Variants in KLF1 observed in about 807,000 individuals in gnomAD.
KLF1 encodes Krueppel-like factor 1.
Under a neutral mutation model 28.0 loss-of-function variants are expected in KLF1, and 29 were observed. The ratio of observed to expected loss-of-function variants is 1.04; its 90% CI spans 0.77 to 1.41. The LOEUF is 1.41. Among genes scored for constraint, KLF1 ranks in the 40% most tolerant of loss-of-function variants. KLF1 has a pLI of 0.00. For missense variants in KLF1, 508 were observed against 515.1 expected, an observed-to-expected ratio of 0.99 and a Z score of 0.13; for synonymous variants, 262 against 242.6, an observed-to-expected ratio of 1.08 and a Z score of -0.74.
chr19:12,884,750 C>T lies in KLF1; in HGVS notation c.*135G>A, dbSNP rs1970416001. ...TGATATTTGGGTGGATCTTTGGGAA[C>T]GCGAGTCCAGGAGAGGGTCCATTCG... On this transcript the variant is annotated 3_prime_UTR_variant, in exon 3 of 3. Coordinates refer to ENST00000264834, the MANE Select transcript of KLF1 (RefSeq NM_006563.5). 3 of 926,012 alleles carry T rather than the reference C, an allele frequency of 3.2e-6. No individual in the cohort carries two copies. The highest frequency in any genetic ancestry group is 1.4e-5 in the South Asian group (1 of 70,876). The allele number at this position is 926,012 out of a possible 1,614,324, so 57.4% of individuals were successfully genotyped here. A position where few individuals can be genotyped will look rare whatever the true frequency, so the allele number is the denominator to read the frequency against.
chr19:12,885,507 G>A lies in KLF1; in HGVS notation c.723C>T (p.Pro241=). ...CCCCGAGTCCAGTGCCCACCGTCCC[G>A]GGTCCCAAACAACTCAGGAAGGAGG... ...TSPSFLSCLG[P]GTVGTGLGGT... The change falls in exon 2 of 3, where the codon CCC becomes CCT. Residue 241 remains proline, a synonymous_variant. Transcript: ENST00000264834. This position sits in a 1 kb window ranked among gnomAD's most constrained non-coding sequence, Gnocchi z 5.6. The A allele has an allele frequency of 6.3e-7, 1 of 1,595,834 alleles. No homozygotes were observed. The highest frequency in any genetic ancestry group is 8.5e-7 in the Non-Finnish European group (1 of 1,172,050).
At position 12,885,437 on chromosome 19, in the gene KLF1, T is replaced by G. The variant is rs903589995; in HGVS notation, c.793A>C (p.Lys265Gln). Residue 265 changes from lysine (K) to glutamine (Q), a missense_variant, in exon 2 of 3, where the codon AAG becomes CAG. Coordinates refer to ENST00000264834, the MANE Select transcript of KLF1 (RefSeq NM_006563.5). This position sits in a 1 kb window ranked among gnomAD's most constrained non-coding sequence, Gnocchi z 5.6. Reference protein sequence around the residue: ...PGVIAETAPSKRGRRSWARKR... With the variant: ...PGVIAETAPSQRGRRSWARKR... ...CGCGCCCACGAACGTCGGCCTCGCTTGGATGGCGCGGTCTCGGCTATCACA... is the reference window on the plus strand; with the variant it reads ...CGCGCCCACGAACGTCGGCCTCGCTGGGATGGCGCGGTCTCGGCTATCACA... 2.5e-6 allele frequency: 4 copies of G among 1,605,620 alleles called. No individual in the cohort carries two copies. In the South Asian group the frequency reaches 3.3e-5, roughly 13 times the overall value.
Position 12,885,239 on chromosome 19 carries a change from G to C in KLF1, c.913+78C>G, listed in dbSNP as rs2145927165. 7.1e-7 allele frequency: 1 copy of C among 1,412,468 alleles called. No individual in the cohort carries two copies. Among genetic ancestry groups the C allele is most frequent in the South Asian group, 1.3e-5 (1 of 79,690 alleles). 87.5% of individuals were successfully genotyped at this position (1,412,468 alleles called of 1,614,324 possible). ...CAGAGGCCAGCCAAGTCCAAGTCCC[G>C]CCCTCTGCAACCCTTCTTCCCCTGT... On this transcript the variant is annotated intron_variant, in intron 2 of 2. Transcript: ENST00000264834. The surrounding 1 kb of genome is among the most constrained non-coding windows in gnomAD (Gnocchi z 5.6).
chr19:12,886,687 C>A (rs1261274211), intron 1 of KLF1, among the ~76,000 whole-genome samples: 1 of 149,802 alleles, frequency 6.7e-6, no homozygotes, highest in Non-Finnish European at 1.5e-5. Flanking sequence ...CTCACTGTAT[C>A]CTTAATCTCC....
In KLF1 at chr19:12,885,256, T is replaced by G; in HGVS notation, c.913+61A>C. 1 of 1,460,040 alleles carries G rather than the reference T, an allele frequency of 6.8e-7. No homozygotes were observed. Among genetic ancestry groups the G allele is most frequent in the Non-Finnish European group, 9.3e-7 (1 of 1,071,318 alleles). The allele number at this position is 1,460,040 out of a possible 1,614,324, so 90.4% of individuals were successfully genotyped here. On this transcript the variant is annotated intron_variant, in intron 2 of 2. Transcript: ENST00000264834. The surrounding 1 kb of genome is among the most constrained non-coding windows in gnomAD (Gnocchi z 5.6). ...CAAGTCCCGCCCTCTGCAACCCTTC[T>G]TCCCCTGTAACTACAGCGGGCGCCG...
chr19:12,885,962 C>T lies in KLF1; in HGVS notation c.268G>A (p.Ala90Thr), dbSNP rs766074660. ...GGCGCCAGAGCGCAGGTCTGGGGCG[C>T]GCCACCGGGCTCCGGGCCCGAGAAG... ...TNFSGPEPGG[A>T]PQTCALAPSE... Residue 90 changes from alanine (A) to threonine (T), a missense_variant, in exon 2 of 3, where the codon GCG becomes ACG. By Grantham distance (58) the Ala-to-Thr change is moderately conservative. Coordinates refer to ENST00000264834, the MANE Select transcript of KLF1 (RefSeq NM_006563.5). This position sits in a 1 kb window ranked among gnomAD's most constrained non-coding sequence, Gnocchi z 5.6. 4 of 1,576,138 alleles carry T rather than the reference C, an allele frequency of 2.5e-6. No homozygotes were observed. Among genetic ancestry groups the T allele is most frequent in the Non-Finnish European group, 3.4e-6 (4 of 1,161,518 alleles).
chr19:12,886,043 C>A lies in KLF1; in HGVS notation c.187G>T (p.Glu63Ter). 6.2e-7 allele frequency: 1 copy of A among 1,610,194 alleles called. No individual in the cohort carries two copies. Among genetic ancestry groups the A allele is most frequent in the Admixed American group, 1.7e-5 (1 of 59,750 alleles). The part of the protein sequence containing the change: ...VKSEDQPGEE[E>*]DDERGADATW... The stretch of plus-strand genomic sequence containing the variant: ...GCGTCCGCGCCCCTCTCATCGTCCT[C>A]TTCCTCCCCGGGCTGGTCCTCAGAC... The change falls in exon 2 of 3, where the codon GAG becomes TAG. Residue 63 changes from glutamate (E) to a stop codon, truncating the protein, a stop_gained. Coordinates refer to ENST00000264834, the MANE Select transcript of KLF1 (RefSeq NM_006563.5). LOFTEE classifies it high-confidence loss of function.
In KLF1 at chr19:12,884,736, T is replaced by G; in HGVS notation, c.*149A>C. The G allele has an allele frequency of 1.2e-6, 1 of 831,288 alleles. No homozygotes were observed. The highest frequency in any genetic ancestry group is 1.9e-6 in the Non-Finnish European group (1 of 514,912). The allele number at this position is 831,288 out of a possible 1,614,324, so 51.5% of individuals were successfully genotyped here. Reference sequence around the variant, plus strand: ...TATGGGTCCGTGTTTGATATTTGGGTGGATCTTTGGGAACGCGAGTCCAGG... The same window carrying G: ...TATGGGTCCGTGTTTGATATTTGGGGGGATCTTTGGGAACGCGAGTCCAGG... On this transcript the variant is annotated 3_prime_UTR_variant, in exon 3 of 3. Coordinates refer to ENST00000264834, the MANE Select transcript of KLF1 (RefSeq NM_006563.5).
Position 12,885,020 on chromosome 19 carries a change from C to G in KLF1, c.954G>C (p.Trp318Cys), listed in dbSNP as rs769526751. 5.0e-6 allele frequency: 8 copies of G among 1,609,054 alleles called. No homozygotes were observed. In the South Asian group the frequency reaches 7.7e-5, roughly 15 times the overall value. The change falls in exon 3 of 3, where the codon TGG (tryptophan) becomes TGC (cysteine). Residue 318 changes from tryptophan (W) to cysteine (C), a missense_variant. Transcript: ENST00000264834. The surrounding 1 kb of genome is among the most constrained non-coding windows in gnomAD (Gnocchi z 5.6). ...PYACTWEGCG[W>C]RFARSDELTR... is the part of the protein sequence containing the mutation. ...TCAGCTCGTCCGAGCGCGCGAATCT[C>G]CAGCCGCAGCCTTCCCACGTGCAGG...
chr19:12,884,574 T>C lies in KLF1; in HGVS notation c.*311A>G, dbSNP rs767532783. The C allele has an allele frequency of 9.0e-5, 39 of 435,394 alleles. No homozygotes were observed. The highest frequency in any genetic ancestry group is 1.6e-4 in the Non-Finnish European group (37 of 234,720). 27.0% of individuals were successfully genotyped at this position (435,394 alleles called of 1,614,324 possible). A position where few individuals can be genotyped will look rare whatever the true frequency, so the allele number is the denominator to read the frequency against. ...CTGCTGTCCAGGGCCATCTGGGAGCTGGTCTGAGTGTCCACTGAGTCCGTT... is the reference window on the plus strand; with the variant it reads ...CTGCTGTCCAGGGCCATCTGGGAGCCGGTCTGAGTGTCCACTGAGTCCGTT... On this transcript the variant is annotated 3_prime_UTR_variant, in exon 3 of 3. Transcript: ENST00000264834.
Position 12,885,336 on chromosome 19 carries a change from C to A in KLF1, c.894G>T (p.Ala298=), listed in dbSNP as rs377567042. ...KSYTKSSHLK[A]HLRTHTGEKP... is the part of the protein sequence containing the mutation. ...CCTCACCTGTGTGCGTGCGCAGATGCGCCTTCAGGTGGGAGCTCTTGGTGT... is the reference window on the plus strand; with the variant it reads ...CCTCACCTGTGTGCGTGCGCAGATGAGCCTTCAGGTGGGAGCTCTTGGTGT... Residue 298 remains alanine (A), a synonymous_variant, in exon 2 of 3, where the codon GCG becomes GCT. Coordinates refer to ENST00000264834, the MANE Select transcript of KLF1 (RefSeq NM_006563.5). The surrounding 1 kb of genome is among the most constrained non-coding windows in gnomAD (Gnocchi z 5.6). The A allele has an allele frequency of 9.1e-5, 145 of 1,594,568 alleles. 1 individual carries two copies. In the African/African-American group the frequency reaches 1.6e-3, roughly 17 times the overall value.
Position 12,885,736 on chromosome 19 carries a change from G to A in KLF1, c.494C>T (p.Ala165Val), listed in dbSNP as rs1412964285. The change falls in exon 2 of 3, where the codon GCG becomes GTG. Residue 165 changes from alanine (A) to valine (V), a missense_variant. Coordinates refer to ENST00000264834, the MANE Select transcript of KLF1 (RefSeq NM_006563.5). This position sits in a 1 kb window ranked among gnomAD's most constrained non-coding sequence, Gnocchi z 5.6. ...PAPAPEPKAL[A>V]LQPVYPGPGA... ...GGGCCCCGGGTACACCGGTTGCAGC[G>A]CCAGCGCCTTGGGCTCGGGGGCCGG... 2.7e-6 allele frequency: 4 copies of A among 1,508,154 alleles called. No homozygotes were observed. Among genetic ancestry groups the A allele is most frequent in the South Asian group, 1.3e-5 (1 of 78,914 alleles). The allele number at this position is 1,508,154 out of a possible 1,614,324, so 93.4% of individuals were successfully genotyped here. A position where few individuals can be genotyped will look rare whatever the true frequency, so the allele number is the denominator to read the frequency against.
In KLF1 at chr19:12,884,917, G is replaced by A. The variant is rs1328031641; in HGVS notation, c.1057C>T (p.His353Tyr). The A allele has an allele frequency of 2.5e-6, 4 of 1,613,826 alleles. No individual in the cohort carries two copies. The highest frequency in any genetic ancestry group is 3.4e-6 in the Non-Finnish European group (4 of 1,180,032). Residue 353 changes from histidine to tyrosine, a missense_variant, in exon 3 of 3, where the codon CAC becomes TAC. Transcript: ENST00000264834. ...TGGCGCTTCATGTGCAAGGCCAGGTGGTCAGAGCGCGAAAAAGCACGTGGG... is the reference window on the plus strand; with the variant it reads ...TGGCGCTTCATGTGCAAGGCCAGGTAGTCAGAGCGCGAAAAAGCACGTGGG... ...LCPRAFSRSDHLALHMKRHL is the reference protein window; with the variant it reads ...LCPRAFSRSDYLALHMKRHL
chr19:12,885,724 A>T lies in KLF1; in HGVS notation c.506T>A (p.Val169Glu). The change falls in exon 2 of 3, where the codon GTG (valine) becomes GAG (glutamate). Residue 169 changes from valine (V) to glutamate (E), a missense_variant. Transcript: ENST00000264834. The surrounding 1 kb of genome is among the most constrained non-coding windows in gnomAD (Gnocchi z 5.6). ...GGAGCCGGCGCCGGGCCCCGGGTACACCGGTTGCAGCGCCAGCGCCTTGGG... is the reference window on the plus strand; with the variant it reads ...GGAGCCGGCGCCGGGCCCCGGGTACTCCGGTTGCAGCGCCAGCGCCTTGGG... The part of the protein sequence containing the change: ...PEPKALALQP[V>E]YPGPGAGSSG... The T allele has an allele frequency of 6.6e-7, 1 of 1,514,418 alleles. No homozygotes were observed. The allele number at this position is 1,514,418 out of a possible 1,614,324, so 93.8% of individuals were successfully genotyped here.
chr19:12,885,144 A>G lies in KLF1; in HGVS notation c.914-84T>C. 6.6e-7 allele frequency: 1 copy of G among 1,516,902 alleles called. No homozygotes were observed. The highest frequency in any genetic ancestry group is 2.3e-5 in the East Asian group (1 of 42,890). The allele number at this position is 1,516,902 out of a possible 1,614,324, so 94.0% of individuals were successfully genotyped here. ...TGCATCTGGCCACACCCCTTTACTC[A>G]GCCTGGGCTGGGACTAGGATGAACA... is the stretch of plus-strand genomic sequence containing the variant. On this transcript the variant is annotated intron_variant, in intron 2 of 2. Coordinates refer to ENST00000264834, the MANE Select transcript of KLF1 (RefSeq NM_006563.5). The surrounding 1 kb of genome is among the most constrained non-coding windows in gnomAD (Gnocchi z 5.6).
In KLF1 at chr19:12,885,396, C is replaced by T. The variant is rs1467271578; in HGVS notation, c.834G>A (p.Ala278=). Residue 278 remains alanine (A), a synonymous_variant, in exon 2 of 3, where the codon GCG becomes GCA. Transcript: ENST00000264834. This position sits in a 1 kb window ranked among gnomAD's most constrained non-coding sequence, Gnocchi z 5.6. The part of the protein sequence containing the change: ...RRSWARKRQA[A]HTCAHPGCGK... ...CGCAACCCGGGTGCGCGCACGTGTG[C>T]GCTGCCTGCCTCTTGCGCGCCCACG... is the stretch of plus-strand genomic sequence containing the variant. The T allele has an allele frequency of 2.5e-6, 4 of 1,605,534 alleles. No homozygotes were observed. Among genetic ancestry groups the T allele is most frequent in the East Asian group, 2.2e-5 (1 of 44,516 alleles).
At position 12,887,128 on chromosome 19, in the gene KLF1, C is replaced by T. The variant is rs483352842; in HGVS notation, c.13G>A (p.Glu5Lys). 6.9e-5 allele frequency: 111 copies of T among 1,614,056 alleles called. 1 individual carries two copies. The South Asian group carries it at 1.0e-3, about 15-fold the overall frequency. ...GTGCTGATGGAGGGCAAGGCGGTCT[C>T]GGCTGTGGCCATGGCTGGCTGGTGC... MATA[E>K]TALPSISTLT... is the part of the protein sequence containing the mutation. The change falls in exon 1 of 3, where the codon GAG (glutamate) becomes AAG (lysine). Residue 5 changes from glutamate to lysine, a missense_variant. Coordinates refer to ENST00000264834, the MANE Select transcript of KLF1 (RefSeq NM_006563.5). The surrounding 1 kb of genome is among the most constrained non-coding windows in gnomAD (Gnocchi z 4.7).
At position 12,885,974 on chromosome 19, in the gene KLF1, C is replaced by T. The variant is rs757754938; in HGVS notation, c.256G>A (p.Glu86Lys). 6.3e-7 allele frequency: 1 copy of T among 1,583,524 alleles called. No homozygotes were observed. The highest frequency in any genetic ancestry group is 1.1e-5 in the South Asian group (1 of 87,300). The change falls in exon 2 of 3, where the codon GAG becomes AAG. Residue 86 changes from glutamate to lysine, a missense_variant. Glu to Lys is a moderately conservative substitution (Grantham distance 56). Coordinates refer to ENST00000264834, the MANE Select transcript of KLF1 (RefSeq NM_006563.5). The surrounding 1 kb of genome is among the most constrained non-coding windows in gnomAD (Gnocchi z 5.6). The part of the protein sequence containing the change: ...DLLLTNFSGP[E>K]PGGAPQTCAL... ...CAGGTCTGGGGCGCGCCACCGGGCTCCGGGCCCGAGAAGTTGGTGAGGAGG... is the reference window on the plus strand; with the variant it reads ...CAGGTCTGGGGCGCGCCACCGGGCTTCGGGCCCGAGAAGTTGGTGAGGAGG...
In KLF1 at chr19:12,884,774, C is replaced by A. The variant is rs930842306; in HGVS notation, c.*111G>T. On this transcript the variant is annotated 3_prime_UTR_variant, in exon 3 of 3. Coordinates refer to ENST00000264834, the MANE Select transcript of KLF1 (RefSeq NM_006563.5). ...ACGCGAGTCCAGGAGAGGGTCCATT[C>A]GTGGGAAAACCACCCAGCATTGTGT... 2.5e-6 allele frequency: 3 copies of A among 1,209,864 alleles called. No homozygotes were observed. The African/African-American group carries it at 4.5e-5, about 18-fold the overall frequency. The allele number at this position is 1,209,864 out of a possible 1,614,324, so 74.9% of individuals were successfully genotyped here.
Sources: gnomAD v4.1 joint callset for allele counts (sites outside exome capture counted in the v4.1 genomes callset) on GRCh38, gnomAD v4.1.1 for gene constraint, Gnocchi (gnomAD v3.1) non-coding constraint, MANE v1.5 for transcripts, NCBI Gene and HGNC (gene_info 2026-07-23, HGNC 2026-07-21) for gene names.